ADGRL3: variants seen among roughly 807,000 people sequenced by gnomAD.
ADGRL3 encodes the protein calcium-independent alpha-latrotoxin receptor 3.
In ADGRL3, 62 loss-of-function variants were observed where a neutral mutation model predicts 153.5. The ratio of observed to expected loss-of-function variants is 0.40; its 90% CI spans 0.33 to 0.50. The LOEUF (loss-of-function observed/expected upper bound fraction) is 0.50. ADGRL3 is among the 20% of genes least tolerant of loss of function. ADGRL3 has a pLI of 0.47. For synonymous variants in ADGRL3, 710 were observed against 672.5 expected, an observed-to-expected ratio of 1.06 and a Z score of -0.86; for missense variants, 1,641 against 1,859.4, an observed-to-expected ratio of 0.88 and a Z score of 2.16.
Position 62,031,446 on chromosome 4 carries a change from T to C in ADGRL3, c.3427T>C (p.Trp1143Arg). Residue 1143 changes from tryptophan to arginine, a missense_variant, in exon 23 of 27, where the codon TGG (tryptophan) becomes CGG (arginine). Around this residue, in one of 5 missense-constraint regions of ADGRL3, gnomAD observed 517 missense variants for 555.0 expected, o/e 0.93. Coordinates refer to ENST00000683033, the MANE Select transcript of ADGRL3 (RefSeq NM_001387552.1). The stretch of plus-strand genomic sequence containing the variant: ...AATTTTCTCTTCTCTCTACAGGTCA[T>C]GGGTTATAGGTGCAATAGCTCTTCT... Reference protein sequence around the residue: ...YEDNRPFIKSWVIGAIALLCL... With the variant: ...YEDNRPFIKSRVIGAIALLCL... 2 of 1,606,674 alleles carry C rather than the reference T, an allele frequency of 1.2e-6. No homozygotes were observed. The highest frequency in any genetic ancestry group is 1.7e-6 in the Non-Finnish European group (2 of 1,175,522).
intron 6 of ADGRL3, among the ~76,000 whole-genome samples, chr4:61,684,528 G>C (rs1009277704): frequency 8.6e-5 from 13 of 152,038 alleles, no homozygotes; most frequent in African/African-American, 3.1e-4. Flanking sequence ...GGCTGGCAAA[G>C]AGCTTATGTG....
At chr4:61,980,963 G>A (rs1297549309) in intron 18 of ADGRL3, among the ~76,000 whole-genome samples, 1 of 152,102 alleles carries the variant, frequency 6.6e-6, no homozygotes, top group Non-Finnish European at 1.5e-5. Flanking sequence ...GTTTTTGTGT[G>A]GACATATGTT....
chr4:61,452,602 C>A (rs1226030946), intron 2 of ADGRL3, among the ~76,000 whole-genome samples: 3 of 152,162 alleles, frequency 2.0e-5, no homozygotes, highest in African/African-American at 7.2e-5. Context: ...AAATCATTCT[C>A]AGCTCTTGTC....
At chr4:61,215,173 G>T in intron 1 of ADGRL3, among the ~76,000 whole-genome samples, 1 of 152,136 alleles carries the variant, frequency 6.6e-6, no homozygotes, top group East Asian at 1.9e-4. Flanking sequence ...ATTTCTAGCA[G>T]TCAGAGTGGA....
intron 20 of ADGRL3, among the ~76,000 whole-genome samples, chr4:61,997,519 G>T (rs2099125850): frequency 8.1e-6 from 1 of 123,344 alleles, no homozygotes; most frequent in Non-Finnish European, 2.0e-5. Flanking sequence ...AGTGGTAAAG[G>T]GCAACTCACT....
chr4:61,710,047 A>T (rs1181438764), intron 6 of ADGRL3, among the ~76,000 whole-genome samples: 1 of 152,146 alleles, frequency 6.6e-6, no homozygotes, highest in Non-Finnish European at 1.5e-5. Flanking sequence ...TATTTGTAAA[A>T]CTGGAATTAT....
chr4:61,502,201 C>A (rs534352342), intron 3 of ADGRL3, among the ~76,000 whole-genome samples: 1 of 152,082 alleles, frequency 6.6e-6, no homozygotes, highest in Non-Finnish European at 1.5e-5. Flanking sequence ...ACATCAAGGT[C>A]CAATGTGGGA....
At chr4:61,586,404 C>T (rs1338099425) in intron 4 of ADGRL3, among the ~76,000 whole-genome samples, 1 of 151,758 alleles carries the variant, frequency 6.6e-6, no homozygotes, top group African/African-American at 2.4e-5. Context: ...TGAGATGTAG[C>T]CATTAAAAGT....
chr4:61,351,332 C>T (rs2096045792), intron 1 of ADGRL3, among the ~76,000 whole-genome samples: 1 of 152,174 alleles, frequency 6.6e-6, no homozygotes, highest in Non-Finnish European at 1.5e-5. Flanking sequence ...ATCTCCATAA[C>T]ATAAAAGTAC....
At chr4:61,938,423 T>C (rs750313359) in intron 15 of ADGRL3, among the ~76,000 whole-genome samples, 10 of 152,186 alleles carry the variant, frequency 6.6e-5, no homozygotes, top group Admixed American at 1.3e-4. Context: ...GAATGCTCTC[T>C]TCCATTATGT....
chr4:61,560,974 A>G (rs988169946), intron 4 of ADGRL3, among the ~76,000 whole-genome samples: 1 of 152,166 alleles, frequency 6.6e-6, no homozygotes, highest in Non-Finnish European at 1.5e-5. Flanking sequence ...AGATATTGGT[A>G]AAAGATATAG....
At chr4:61,215,506 G>T (rs535281980) in intron 1 of ADGRL3, among the ~76,000 whole-genome samples, 6 of 150,752 alleles carry the variant, frequency 4.0e-5, no homozygotes, top group South Asian at 2.1e-4. Context: ...AAGTTACATG[G>T]CAGTTTTGTA....
At chr4:61,809,360 G>T (rs2097583179) in intron 8 of ADGRL3, among the ~76,000 whole-genome samples, 1 of 151,998 alleles carries the variant, frequency 6.6e-6, no homozygotes, top group South Asian at 2.1e-4. Context: ...CTATAAATAT[G>T]CATAGAATTT....
chr4:61,404,763 G>A (rs2096972703), intron 2 of ADGRL3, among the ~76,000 whole-genome samples: 1 of 151,986 alleles, frequency 6.6e-6, no homozygotes, highest in South Asian at 2.1e-4. Flanking sequence ...TATTAATCAA[G>A]AAGGCAAATC....
chr4:62,034,713 A>T (rs996869903), intron 23 of ADGRL3, among the ~76,000 whole-genome samples: 1 of 151,948 alleles, frequency 6.6e-6, no homozygotes, highest in East Asian at 1.9e-4. Context: ...TTATTGAATT[A>T]TTTGTCGAAT....
At chr4:61,413,264 C>A (rs896820482) in intron 2 of ADGRL3, among the ~76,000 whole-genome samples, 1 of 152,134 alleles carries the variant, frequency 6.6e-6, no homozygotes, top group South Asian at 2.1e-4. Flanking sequence ...CCCTGTGTGA[C>A]CTCCACTGAT....
At chr4:61,327,720 A>C (rs1560478351) in intron 1 of ADGRL3, among the ~76,000 whole-genome samples, 1 of 152,048 alleles carries the variant, frequency 6.6e-6, no homozygotes, top group Non-Finnish European at 1.5e-5. Flanking sequence ...GACAAAGAGA[A>C]TTTGAAGAGT....
chr4:61,932,010 C>G (rs972696087), intron 13 of ADGRL3, among the ~76,000 whole-genome samples: 1 of 151,900 alleles, frequency 6.6e-6, no homozygotes, highest in African/African-American at 2.4e-5. Context: ...TATATATTTA[C>G]ACACGTACAC....
chr4:62,039,331 C>A (rs1356999735), intron 24 of ADGRL3, among the ~76,000 whole-genome samples: 1 of 152,066 alleles, frequency 6.6e-6, no homozygotes, highest in Non-Finnish European at 1.5e-5. Context: ...AATGGATGAC[C>A]AGTGTTTTCA....
Sources: allele counts gnomAD v4.1 joint callset (sites outside exome capture counted in the v4.1 genomes callset), GRCh38; gene constraint gnomAD v4.1.1; regional missense constraint gnomAD v4.1.1; transcripts MANE v1.5; gene names NCBI Gene and HGNC (gene_info 2026-07-23, HGNC 2026-07-21).